Variants in ARFGAP1 observed in about 807,000 individuals in gnomAD.
The protein encoded by ARFGAP1 is ARF GTPase activating protein 1.
A neutral mutation model predicts 54.0 loss-of-function variants in ARFGAP1; 26 were observed. The ratio of observed to expected loss-of-function variants is 0.48; its 90% CI spans 0.35 to 0.67. ARFGAP1 has a LOEUF of 0.67. ARFGAP1 is among the 30% of genes least tolerant of loss of function. ARFGAP1 has a pLI of 0.00. For synonymous variants in ARFGAP1, 248 were observed against 211.9 expected (o/e 1.17, Z -1.48); for missense variants, 525 against 535.8 (o/e 0.98, Z 0.20).
chr20:63,288,294 T>C lies in ARFGAP1; in HGVS notation c.*421T>C. Reference sequence around the variant, plus strand: ...GTCCCTTCTCGTTGAGATATTTAACTTTGGTTTTGCTCTAGTTCTTTCTTT... The same window carrying C: ...GTCCCTTCTCGTTGAGATATTTAACCTTGGTTTTGCTCTAGTTCTTTCTTT... On this transcript the variant is annotated 3_prime_UTR_variant, in exon 13 of 13. Transcript: ENST00000370283. The C allele has an allele frequency of 2.1e-6, 1 of 476,528 alleles. No homozygotes were observed. The highest frequency in any genetic ancestry group is 1.5e-5 in the South Asian group (1 of 64,740). The allele number at this position is 476,528 out of a possible 1,614,324, so 29.5% of individuals were successfully genotyped here.
At chr20:63,282,208 G>A (rs1317983508) in intron 8 of ARFGAP1, among the ~76,000 whole-genome samples, 2 of 152,212 alleles carry the variant, frequency 1.3e-5, no homozygotes, top group East Asian at 1.9e-4. Context: ...AGGTGTCCAC[G>A]CTCCAGCTCC....
In ARFGAP1 at chr20:63,278,764, G is replaced by A. The variant is rs1247668345; in HGVS notation, c.531-135G>A. 4 of 628,376 alleles carry A rather than the reference G, an allele frequency of 6.4e-6. No homozygotes were observed. In the East Asian group the frequency reaches 1.1e-4, roughly 17 times the overall value. The allele number at this position is 628,376 out of a possible 1,614,324, so 38.9% of individuals were successfully genotyped here. On this transcript the variant is annotated intron_variant, in intron 6 of 12. Transcript: ENST00000370283. ...CATCTCTCTGCTGCCACAGGAGGCA[G>A]CGTGCATGTCCTGTGCGTGGGGACG...
In ARFGAP1 at chr20:63,276,704, T is replaced by C; in HGVS notation, c.342+53T>C. On this transcript the variant is annotated intron_variant, in intron 4 of 12. Transcript: ENST00000370283. This position sits in a 1 kb window ranked among gnomAD's most constrained non-coding sequence, Gnocchi z 5.2. The stretch of plus-strand genomic sequence containing the variant: ...CCATGGTGTGGGGCTGCCCTGCCGT[T>C]TGTGGCAGCTGGACTGTGGCCTTTA... 2 of 1,540,572 alleles carry C rather than the reference T, an allele frequency of 1.3e-6. No homozygotes were observed. The highest frequency in any genetic ancestry group is 1.8e-6 in the Non-Finnish European group (2 of 1,140,564).
intron 9 of ARFGAP1, chr20:63,284,068 T>C: frequency 7.1e-7 from 1 of 1,416,638 alleles, no homozygotes; most frequent in East Asian, 2.6e-5. Context: ...CTTGGCTGTG[T>C]GTGCCTGTCA....
chr20:63,278,973 A>G lies in ARFGAP1; in HGVS notation c.605A>G (p.Asn202Ser), dbSNP rs545273173. Residue 202 changes from asparagine (N) to serine (S), a missense_variant, in exon 7 of 13, where the codon AAC becomes AGC. This residue lies in a region of ARFGAP1 where 466 missense variants were observed against 453.6 expected (regional missense o/e 1.03). Transcript: ENST00000370283. Reference protein sequence around the residue: ...PQKKEDDFLNNAMSSLYSGWS... With the variant: ...PQKKEDDFLNSAMSSLYSGWS... Reference sequence around the variant, plus strand: ...AAGAAAGAAGATGACTTCCTCAACAACGCCATGTCCTCCCTGTACTCGGTG... The same window carrying G: ...AAGAAAGAAGATGACTTCCTCAACAGCGCCATGTCCTCCCTGTACTCGGTG... 2 of 1,613,968 alleles carry G rather than the reference A, an allele frequency of 1.2e-6. No individual in the cohort carries two copies. The highest frequency in any genetic ancestry group is 1.7e-5 in the Admixed American group (1 of 60,030).
In ARFGAP1 at chr20:63,276,006, G is replaced by T; in HGVS notation, c.61-85G>T. 7.7e-7 allele frequency: 1 copy of T among 1,294,512 alleles called. No homozygotes were observed. The highest frequency in any genetic ancestry group is 1.1e-6 in the Non-Finnish European group (1 of 896,004). The allele number at this position is 1,294,512 out of a possible 1,614,324, so 80.2% of individuals were successfully genotyped here. A position where few individuals can be genotyped will look rare whatever the true frequency, so the allele number is the denominator to read the frequency against. ...CCACCCTGGGCAGCCCTCTGCATTCGCTCCTTGAGGCCACCTGTCGGGTCT... is the reference window on the plus strand; with the variant it reads ...CCACCCTGGGCAGCCCTCTGCATTCTCTCCTTGAGGCCACCTGTCGGGTCT... On this transcript the variant is annotated intron_variant, in intron 2 of 12. Coordinates refer to ENST00000370283, the MANE Select transcript of ARFGAP1 (RefSeq NM_018209.4). The surrounding 1 kb of genome is among the most constrained non-coding windows in gnomAD (Gnocchi z 5.2).
chr20:63,284,027 C>T (rs2067457572), intron 9 of ARFGAP1: 6 of 1,465,966 alleles, frequency 4.1e-6, no homozygotes, highest in Admixed American at 4.5e-5. Flanking sequence ...CGGTCCGTGG[C>T]TCTCCTTTAA....
chr20:63,276,739 G>C lies in ARFGAP1; in HGVS notation c.342+88G>C, dbSNP rs1356455280. ...TGGACTGTGGCCTTTAGTGGTTCTG[G>C]AGTCGGTTCTTCTGCTGGTTCTGAC... On this transcript the variant is annotated intron_variant, in intron 4 of 12. Transcript: ENST00000370283. This position sits in a 1 kb window ranked among gnomAD's most constrained non-coding sequence, Gnocchi z 5.2. 7.0e-7 allele frequency: 1 copy of C among 1,433,092 alleles called. No individual in the cohort carries two copies. The highest frequency in any genetic ancestry group is 2.4e-5 in the East Asian group (1 of 41,846). The allele number at this position is 1,433,092 out of a possible 1,614,324, so 88.8% of individuals were successfully genotyped here. A position where few individuals can be genotyped will look rare whatever the true frequency, so the allele number is the denominator to read the frequency against.
chr20:63,280,108 C>G (rs1169662310), intron 7 of ARFGAP1, among the ~76,000 whole-genome samples: 1 of 152,108 alleles, frequency 6.6e-6, no homozygotes, highest in Non-Finnish European at 1.5e-5. Flanking sequence ...CACCATTGCA[C>G]TCCGACCTGG....
rs1036114645 is a variant in ARFGAP1 at position 63,288,116 on chromosome 20, G to A, written c.*243G>A. 1 of 607,940 alleles carries A rather than the reference G, an allele frequency of 1.6e-6. No homozygotes were observed. Among genetic ancestry groups the A allele is most frequent in the Admixed American group, 2.6e-5 (1 of 38,028 alleles). 37.7% of individuals were successfully genotyped at this position (607,940 alleles called of 1,614,324 possible). On this transcript the variant is annotated 3_prime_UTR_variant, in exon 13 of 13. Transcript: ENST00000370283. ...GCCGTCCCGTCCCACACTCCCCTGGGCATTCTTGGACTCAAGGCCGGGGCT... is the reference window on the plus strand; with the variant it reads ...GCCGTCCCGTCCCACACTCCCCTGGACATTCTTGGACTCAAGGCCGGGGCT...
chr20:63,285,759 A>G (rs754649487), intron 11 of ARFGAP1, 46 bp downstream of exon 11: 113 of 1,600,588 alleles, frequency 7.1e-5, no homozygotes, highest in Non-Finnish European at 8.4e-5. Flanking sequence ...GCCAGTCTCC[A>G]TATTCCACGG....
At chr20:63,280,219 C>T (rs1415744512) in intron 7 of ARFGAP1, among the ~76,000 whole-genome samples, 1 of 152,230 alleles carries the variant, frequency 6.6e-6, no homozygotes, top group Non-Finnish European at 1.5e-5. Context: ...GCCACGGGGG[C>T]TGCTTAAACG....
rs1282504712 is a variant in ARFGAP1 at position 63,288,594 on chromosome 20, A to T, written c.*721A>T. 2.3e-6 allele frequency: 1 copy of T among 443,802 alleles called. No homozygotes were observed. Among genetic ancestry groups the T allele is most frequent in the Non-Finnish European group, 4.6e-6 (1 of 218,010 alleles). 27.5% of individuals were successfully genotyped at this position (443,802 alleles called of 1,614,324 possible). A position where few individuals can be genotyped will look rare whatever the true frequency, so the allele number is the denominator to read the frequency against. On this transcript the variant is annotated 3_prime_UTR_variant, in exon 13 of 13. Coordinates refer to ENST00000370283, the MANE Select transcript of ARFGAP1 (RefSeq NM_018209.4). Reference sequence around the variant, plus strand: ...TGACCATCCTGGAACACCCTGGAAGAAAAAGGAGCGCAGGGTGGGCCCTCG... The same window carrying T: ...TGACCATCCTGGAACACCCTGGAAGTAAAAGGAGCGCAGGGTGGGCCCTCG...
At position 63,287,830 on chromosome 20, in the gene ARFGAP1, C is replaced by T. The variant is rs751779565; in HGVS notation, c.1178C>T (p.Pro393Leu). The T allele has an allele frequency of 3.6e-5, 56 of 1,574,784 alleles. No homozygotes were observed. Among genetic ancestry groups the T allele is most frequent in the Middle Eastern group, 1.8e-4 (1 of 5,636 alleles). The change falls in exon 13 of 13, where the codon CCG becomes CTG. Residue 393 changes from proline (P) to leucine (L), a missense_variant. Physicochemically the swap from Pro to Leu is moderately conservative, Grantham distance 98. Transcript: ENST00000370283. ...GGEGTKKAVP[P>L]AVPTDDGWDN... is the part of the protein sequence containing the mutation. ...GAGGGCACCAAGAAGGCAGTGCCGCCGGCCGTGCCCACTGATGATGGCTGG... is the reference window on the plus strand; with the variant it reads ...GAGGGCACCAAGAAGGCAGTGCCGCTGGCCGTGCCCACTGATGATGGCTGG...
Position 63,278,419 on chromosome 20 carries a change from A to AC in ARFGAP1, c.530+216_530+217insC, listed in dbSNP as rs1339393272. The AC allele has an allele frequency of 7.2e-4, 354 of 491,896 alleles. 3 individuals carry two copies. Among genetic ancestry groups the AC allele is most frequent in the Non-Finnish European group, 1.2e-3 (343 of 281,784 alleles). The allele number at this position is 491,896 out of a possible 1,614,324, so 30.5% of individuals were successfully genotyped here. A position where few individuals can be genotyped will look rare whatever the true frequency, so the allele number is the denominator to read the frequency against. The stretch of plus-strand genomic sequence containing the variant: ...TGAGCCCCAGCCAGCCCAGGTGTGA[A>AC]TTGGGGGGTCTTAGATGTATTGCAG... On this transcript the variant is annotated intron_variant, in intron 6 of 12. Transcript: ENST00000370283.
intron 9 of ARFGAP1, chr20:63,284,077 C>G: frequency 7.2e-7 from 1 of 1,394,232 alleles, no homozygotes; most frequent in Non-Finnish European, 9.3e-7. Context: ...GTGTGCCTGT[C>G]ACCCCTGCGC....
Position 63,281,889 on chromosome 20 carries a change from A to G in ARFGAP1, c.684+542A>G, listed in dbSNP as rs2067390176. Among the ~76,000 whole-genome samples, 3 of 151,992 alleles carry G rather than the reference A, an allele frequency of 2.0e-5. No homozygotes were observed. In the South Asian group the frequency reaches 6.3e-4, roughly 32 times the overall value. On this transcript the variant is annotated intron_variant, in intron 8 of 12. Coordinates refer to ENST00000370283, the MANE Select transcript of ARFGAP1 (RefSeq NM_018209.4). ...GGCTGTGGTGTTACAGGAGAAGGGGAAGCCCAGAGCAGGGCAGCGCGGGGC... is the reference window on the plus strand; with the variant it reads ...GGCTGTGGTGTTACAGGAGAAGGGGGAGCCCAGAGCAGGGCAGCGCGGGGC...
At chr20:63,286,879 G>C (rs1312058800) in intron 12 of ARFGAP1, 1 of 187,000 alleles carries the variant, frequency 5.3e-6, no homozygotes, top group East Asian at 1.6e-4. Context: ...GGACAGGAAG[G>C]CTAGGGCCCC....
chr20:63,287,062 C>T (rs986805502), intron 12 of ARFGAP1, among the ~76,000 whole-genome samples: 4 of 152,270 alleles, frequency 2.6e-5, no homozygotes, highest in African/African-American at 7.2e-5. Flanking sequence ...CTGGTGGGCA[C>T]AGATGCACTG....
Sources: allele counts gnomAD v4.1 joint callset (sites outside exome capture counted in the v4.1 genomes callset), GRCh38; gene constraint gnomAD v4.1.1; regional missense constraint gnomAD v4.1.1; non-coding constraint Gnocchi (gnomAD v3.1); transcripts MANE v1.5; gene names NCBI Gene and HGNC (gene_info 2026-07-23, HGNC 2026-07-21).